The following DGKB variants were observed in gnomAD, a reference collection of about 807,000 sequenced individuals.
DGKB encodes the protein diacylglycerol kinase beta, also known as 90 kDa diacylglycerol kinase.
Under a neutral mutation model 114.3 loss-of-function variants are expected in DGKB, and 67 were observed. The observed-to-expected ratio is 0.59, with a 90% confidence interval of 0.48 to 0.72. DGKB has a LOEUF of 0.72. Ranked by LOEUF, DGKB falls within the 30% of genes least tolerant of loss-of-function variation. DGKB has a pLI of 0.00. For missense variants in DGKB, 907 were observed against 975.2 expected (o/e 0.93, Z 0.93); for synonymous variants, 398 against 323.1 (o/e 1.23, Z -2.49).
intron 2 of DGKB, among the ~76,000 whole-genome samples, chr7:14,813,723 T>G (rs942409548): frequency 1.3e-5 from 2 of 152,194 alleles, no homozygotes; most frequent in Non-Finnish European, 2.9e-5. Context: ...GTTTTATATG[T>G]TTTGTGATAT....
intron 17 of DGKB, among the ~76,000 whole-genome samples, chr7:14,599,365 G>C (rs548001175): frequency 6.6e-5 from 10 of 152,090 alleles, no homozygotes; most frequent in African/African-American, 2.2e-4. Context: ...TCTGACATCC[G>C]ACTGCCCTTC....
chr7:14,534,560 G>T (rs1437928068), intron 20 of DGKB, among the ~76,000 whole-genome samples: 2 of 151,924 alleles, frequency 1.3e-5, no homozygotes, highest in Non-Finnish European at 2.9e-5. Flanking sequence ...CCCAAAACAG[G>T]ACCCAACTAG....
chr7:14,967,378 T>G (rs1787215803), intron 1 of DGKB, among the ~76,000 whole-genome samples: 1 of 152,068 alleles, frequency 6.6e-6, no homozygotes, highest in Non-Finnish European at 1.5e-5. Flanking sequence ...TGGAGCACAA[T>G]GGCACTATCT....
intron 1 of DGKB, among the ~76,000 whole-genome samples, chr7:14,863,383 GTAA>G (rs941261309): frequency 7.2e-4 from 109 of 151,076 alleles, no homozygotes; most frequent in African/African-American, 2.4e-3. Context: ...GGTCAAGAAG[GTAA>G]TAATATTTAT....
chr7:14,562,677 C>T (rs761772334), intron 20 of DGKB, among the ~76,000 whole-genome samples: 1 of 152,038 alleles, frequency 6.6e-6, no homozygotes, highest in Non-Finnish European at 1.5e-5. Flanking sequence ...TTGTTTTGGA[C>T]GATTTCTCCC....
intron 1 of DGKB, among the ~76,000 whole-genome samples, chr7:14,847,422 A>C (rs182751466): frequency 1.3e-5 from 2 of 152,370 alleles, no homozygotes; most frequent in East Asian, 3.9e-4. Context: ...GCCAAAATAA[A>C]AACTACAGAA....
intron 21 of DGKB, among the ~76,000 whole-genome samples, chr7:14,465,759 A>G (rs979182256): frequency 6.6e-6 from 1 of 152,150 alleles, no homozygotes; most frequent in Non-Finnish European, 1.5e-5. Flanking sequence ...TCTGGGGGAA[A>G]GAAGAGGTAA....
intron 13 of DGKB, among the ~76,000 whole-genome samples, chr7:14,650,664 A>T (rs1241580934): frequency 1.0e-5 from 1 of 100,472 alleles, no homozygotes; most frequent in African/African-American, 4.0e-5. Flanking sequence ...AACTGAAGGA[A>T]ATAGAGACAC....
intron 23 of DGKB, among the ~76,000 whole-genome samples, chr7:14,298,542 T>C (rs1191100977): frequency 6.6e-6 from 1 of 152,074 alleles, no homozygotes; most frequent in African/African-American, 2.4e-5. Context: ...TTACACATTA[T>C]ACAAAAACTA....
intron 5 of DGKB, among the ~76,000 whole-genome samples, chr7:14,720,943 C>T (rs1022967995): frequency 6.6e-6 from 1 of 150,976 alleles, no homozygotes. Context: ...TGATAAAAAA[C>T]ATTTTGGCGC....
chr7:14,203,219 T>C (rs1740543325), intron 23 of DGKB, among the ~76,000 whole-genome samples: 1 of 149,672 alleles, frequency 6.7e-6, no homozygotes, highest in African/African-American at 2.5e-5. Flanking sequence ...TCCTCTAAGG[T>C]TTTCTATACC....
chr7:14,150,673 T>G (rs770716584), intron 25 of DGKB, among the ~76,000 whole-genome samples: 9 of 152,066 alleles, frequency 5.9e-5, no homozygotes, highest in Non-Finnish European at 1.0e-4. Context: ...TCTTATGAAC[T>G]AGGGAATTGA....
intron 13 of DGKB, among the ~76,000 whole-genome samples, chr7:14,641,428 G>A (rs1811780176): frequency 6.6e-6 from 1 of 151,636 alleles, no homozygotes; most frequent in African/African-American, 2.4e-5. Context: ...TAAGTTTTGG[G>A]ATTTAGCATT....
chr7:14,493,925 T>TACACACACACACAC (rs372780599), intron 20 of DGKB, among the ~76,000 whole-genome samples: 44 of 137,718 alleles, frequency 3.2e-4, no homozygotes, highest in East Asian at 1.4e-3. Flanking sequence ...CATGGTATCA[T>TACACACACACACAC]ACACACACAC....
At chr7:14,850,171 A>G (rs1849159174) in intron 1 of DGKB, among the ~76,000 whole-genome samples, 1 of 152,234 alleles carries the variant, frequency 6.6e-6, no homozygotes, top group Non-Finnish European at 1.5e-5. Context: ...GCCACTGGTG[A>G]CTTTAGCAAT....
intron 21 of DGKB, among the ~76,000 whole-genome samples, chr7:14,427,821 T>G (rs1240744973): frequency 6.6e-6 from 1 of 152,072 alleles, no homozygotes; most frequent in Non-Finnish European, 1.5e-5. Context: ...TCCCACAACA[T>G]GTGGGAATTC....
At chr7:14,930,346 A>T (rs1328733463) in intron 1 of DGKB, among the ~76,000 whole-genome samples, 1 of 152,196 alleles carries the variant, frequency 6.6e-6, no homozygotes, top group Non-Finnish European at 1.5e-5. Flanking sequence ...ATTCATAAGC[A>T]TGGGATGTTT....
chr7:14,381,795 C>A (rs1423395249), intron 21 of DGKB, among the ~76,000 whole-genome samples: 1 of 152,134 alleles, frequency 6.6e-6, no homozygotes, highest in African/African-American at 2.4e-5. Context: ...TCTAGCCACA[C>A]TGTAATCACA....
chr7:14,318,647 G>C (rs569895315), intron 23 of DGKB, among the ~76,000 whole-genome samples: 199 of 152,164 alleles, frequency 1.3e-3, no homozygotes, highest in African/African-American at 4.5e-3. Context: ...ACAGGTGCTG[G>C]AGAGGATGTG....
Sources: gnomAD v4.1 joint callset for allele counts (sites outside exome capture counted in the v4.1 genomes callset) on GRCh38, gnomAD v4.1.1 for gene constraint, MANE v1.5 for transcripts, NCBI Gene and HGNC (gene_info 2026-07-23, HGNC 2026-07-21) for gene names.